AP1AR: variants seen among roughly 807,000 people sequenced by gnomAD.
AP1AR encodes the protein adaptor related protein complex 1 associated regulatory protein, also known as AP-1 complex-associated regulatory protein.
A neutral mutation model predicts 46.3 loss-of-function variants in AP1AR; 29 were observed. The observed-to-expected ratio is 0.63, with a 90% CI of 0.47 to 0.85. The LOEUF (loss-of-function observed/expected upper bound fraction) is 0.85, where lower values mean the gene tolerates loss of function less well. Ranked by LOEUF, AP1AR falls within the 40% of genes least tolerant of loss-of-function variation. The pLI is 0.00. For synonymous variants in AP1AR, 122 were observed against 122.9 expected (o/e 0.99, Z 0.05); for missense variants, 357 against 356.3 (o/e 1.00, Z -0.02).
Position 112,268,376 on chromosome 4 carries a change from A to G in AP1AR, c.876A>G (p.Ile292Met), listed in dbSNP as rs749207513. 1.2e-6 allele frequency: 2 copies of G among 1,609,004 alleles called. No homozygotes were observed. Among genetic ancestry groups the G allele is most frequent in the Non-Finnish European group, 1.7e-6 (2 of 1,177,120 alleles). The change falls in exon 10 of 10, where the codon ATA becomes ATG. Residue 292 changes from isoleucine (I) to methionine (M), a missense_variant. Ile to Met is a conservative substitution (Grantham distance 10). Coordinates refer to ENST00000274000, the MANE Select transcript of AP1AR (RefSeq NM_018569.6). ...TATTAGAACTGTCTGATTCTGGCAT[A>G]AGGCATTCTGACACAGATCAACAGA... ...NPVLELSDSG[I>M]RHSDTDQQTR
rs771968876 is a variant in AP1AR at position 112,260,823 on chromosome 4, C to G, written c.243C>G (p.Ala81=). The part of the protein sequence containing the change: ...DLRERHYDSI[A]EKQKDLDKKI... ...GAGAAAGGCATTATGATTCCATTGC[C>G]GAAAAACAAAAAGATCTTGATAAGA... The change falls in exon 5 of 10, where the codon GCC becomes GCG. Residue 81 remains alanine, a synonymous_variant. Transcript: ENST00000274000. 4 of 1,598,824 alleles carry G rather than the reference C, an allele frequency of 2.5e-6. No individual in the cohort carries two copies. The highest frequency in any genetic ancestry group is 3.4e-6 in the Non-Finnish European group (4 of 1,172,770).
rs1306100668 is a variant in AP1AR at position 112,263,072 on chromosome 4, C to T, written c.367C>T (p.Arg123Ter). 20 of 1,613,350 alleles carry T rather than the reference C, an allele frequency of 1.2e-5. No homozygotes were observed. Among genetic ancestry groups the T allele is most frequent in the East Asian group, 2.2e-5 (1 of 44,828 alleles). ...QREAARAAKQ[R>*]KLLEQERQRI... ...TGAAGCAGCCAGGGCAGCAAAGCAG[C>T]GAAAGCTCTTGGAGGTGAGGGGAAA... Residue 123 changes from arginine to a stop codon, truncating the protein, a stop_gained, in exon 6 of 10, where the codon CGA becomes TGA. Transcript: ENST00000274000. LOFTEE classifies it high-confidence loss of function.
At chr4:112,235,376 A>G (rs997989775) in intron 1 of AP1AR, among the ~76,000 whole-genome samples, 1 of 152,242 alleles carries the variant, frequency 6.6e-6, no homozygotes, top group Admixed American at 6.5e-5. Flanking sequence ...TAGTTTTTAT[A>G]GAAAGGTAAA....
intron 1 of AP1AR, among the ~76,000 whole-genome samples, chr4:112,232,583 C>G (rs1725062924): frequency 3.9e-5 from 6 of 152,226 alleles, no homozygotes; most frequent in Admixed American, 3.9e-4. Flanking sequence ...TTAGCCCTGG[C>G]AGAGCAGGTG....
intron 1 of AP1AR, among the ~76,000 whole-genome samples, chr4:112,234,663 T>TG (rs1330188644): frequency 6.6e-6 from 1 of 151,914 alleles, no homozygotes; most frequent in Non-Finnish European, 1.5e-5. Flanking sequence ...TTTTAGTTTT[T>TG]TTTTTTTTTT....
chr4:112,263,018 G>C lies in AP1AR; in HGVS notation c.313G>C (p.Glu105Gln), dbSNP rs1484717685. The change falls in exon 6 of 10, where the codon GAA becomes CAA. Residue 105 changes from glutamate (E) to glutamine (Q), a missense_variant. This residue lies in a region of AP1AR where 269 missense variants were observed against 223.6 expected (regional missense o/e 1.20). Transcript: ENST00000274000. ...CTTACAAGAAGAGAAGTTAAGACTA[G>C]AAGAAGAAGCTTTATACGCTGCACA... ...LALQEEKLRLEEEALYAAQRE... is the reference protein window; with the variant it reads ...LALQEEKLRLQEEALYAAQRE... 6.2e-7 allele frequency: 1 copy of C among 1,613,740 alleles called. No homozygotes were observed. The highest frequency in any genetic ancestry group is 1.6e-4 in the Middle Eastern group (1 of 6,062).
intron 9 of AP1AR, among the ~76,000 whole-genome samples, chr4:112,267,377 A>G (rs1726751857): frequency 6.6e-6 from 1 of 151,948 alleles, no homozygotes; most frequent in Admixed American, 6.6e-5. Flanking sequence ...TCCTTCTGCC[A>G]GTAAAATGAC....
intron 1 of AP1AR, among the ~76,000 whole-genome samples, chr4:112,252,477 T>G (rs969412254): frequency 1.3e-5 from 2 of 152,202 alleles, no homozygotes; most frequent in African/African-American, 2.4e-5. Context: ...GGACTGTGAG[T>G]GGCCCTCTCC....
At chr4:112,237,251 T>G (rs1263938077) in intron 1 of AP1AR, among the ~76,000 whole-genome samples, 1 of 151,080 alleles carries the variant, frequency 6.6e-6, no homozygotes, top group East Asian at 2.0e-4. Context: ...GGATTACAGG[T>G]GTGTGCCACC....
chr4:112,232,016 G>A lies in AP1AR; in HGVS notation c.-76G>A. The A allele has an allele frequency of 7.9e-7, 1 of 1,266,744 alleles. No individual in the cohort carries two copies. The highest frequency in any genetic ancestry group is 1.6e-5 in the African/African-American group (1 of 64,200). The allele number at this position is 1,266,744 out of a possible 1,614,324, so 78.5% of individuals were successfully genotyped here. On this transcript the variant is annotated 5_prime_UTR_variant, in exon 1 of 10. Coordinates refer to ENST00000274000, the MANE Select transcript of AP1AR (RefSeq NM_018569.6). ...AACCCCATTTCGGCTCGTGCCGTGC[G>A]GATGCAGCTGCCGGGCCTGGGTTTG...
intron 1 of AP1AR, among the ~76,000 whole-genome samples, chr4:112,246,535 T>C (rs1725733869): frequency 6.6e-6 from 1 of 152,166 alleles, no homozygotes; most frequent in Non-Finnish European, 1.5e-5. Context: ...ATAATTTTGT[T>C]TGGGCAACCA....
intron 5 of AP1AR, among the ~76,000 whole-genome samples, chr4:112,262,295 A>G (rs1726485400): frequency 6.6e-6 from 1 of 152,220 alleles, no homozygotes; most frequent in Non-Finnish European, 1.5e-5. Context: ...TGACAGAATA[A>G]CACCCTGTCT....
At chr4:112,265,689 C>T in intron 7 of AP1AR, 45 bp from the exon 8 acceptor site, 1 of 1,404,626 alleles carries the variant, frequency 7.1e-7, no homozygotes, top group South Asian at 1.2e-5. Context: ...TGTCATATTG[C>T]AGCTACCATG....
At chr4:112,238,987 A>G (rs1437580412) in intron 1 of AP1AR, among the ~76,000 whole-genome samples, 1 of 152,114 alleles carries the variant, frequency 6.6e-6, no homozygotes, top group Non-Finnish European at 1.5e-5. Context: ...TAAGAACCAT[A>G]TCAAGTTCTT....
chr4:112,254,936 C>G (rs940159330), intron 3 of AP1AR, 163 bp downstream of exon 3: 6 of 387,796 alleles, frequency 1.5e-5, no homozygotes, highest in African/African-American at 1.3e-4. Context: ...CCTTCTTTTA[C>G]TAATTTATAT....
chr4:112,250,541 T>G (rs1725909647), intron 1 of AP1AR, among the ~76,000 whole-genome samples: 1 of 152,220 alleles, frequency 6.6e-6, no homozygotes, highest in Non-Finnish European at 1.5e-5. Context: ...ATCAATAATG[T>G]TTGAACAAGT....
chr4:112,261,462 T>A (rs1726439120), intron 5 of AP1AR, among the ~76,000 whole-genome samples: 1 of 152,104 alleles, frequency 6.6e-6, no homozygotes, highest in African/African-American at 2.4e-5. Flanking sequence ...AGCAAATTTT[T>A]AAAAAATTAC....
intron 4 of AP1AR, among the ~76,000 whole-genome samples, chr4:112,260,160 A>G (rs1726376936): frequency 6.6e-6 from 1 of 152,190 alleles, no homozygotes; most frequent in South Asian, 2.1e-4. Flanking sequence ...GAGTAAACCA[A>G]GTGAATATGG....
chr4:112,266,939 C>T (rs190447139), intron 9 of AP1AR: 335 of 362,380 alleles, frequency 9.2e-4, no homozygotes, highest in Admixed American at 1.2e-3. Context: ...AAATAAATGT[C>T]GATTTCTTTA....
Sources: gnomAD v4.1 joint callset for allele counts (sites outside exome capture counted in the v4.1 genomes callset) on GRCh38, gnomAD v4.1.1 for gene constraint, gnomAD v4.1.1 regional missense constraint, MANE v1.5 for transcripts, NCBI Gene and HGNC (gene_info 2026-07-23, HGNC 2026-07-21) for gene names.